ZDHHC6: variants seen among roughly 807,000 people sequenced by gnomAD.
ZDHHC6 encodes the protein zDHHC palmitoyltransferase 6.
A neutral mutation model predicts 57.8 loss-of-function variants in ZDHHC6; 32 were observed. The observed-to-expected ratio is 0.55, with a 90% CI of 0.42 to 0.74. The LOEUF (loss-of-function observed/expected upper bound fraction) is 0.74, where lower values mean the gene tolerates loss of function less well. Among genes scored for constraint, ZDHHC6 ranks in the 30% least tolerant of loss-of-function variants. The probability of loss-of-function intolerance (pLI) is 0.00; values close to 1 mark genes in which losing one functional copy is unlikely to be tolerated. For synonymous variants in ZDHHC6, 128 were observed against 158.0 expected (o/e 0.81, Z 1.42); for missense variants, 433 against 500.7 (o/e 0.86, Z 1.29).
At chr10:112,441,811 C>T (rs1176430639) in intron 4 of ZDHHC6, among the ~76,000 whole-genome samples, 1 of 152,198 alleles carries the variant, frequency 6.6e-6, no homozygotes, top group East Asian at 1.9e-4. Flanking sequence ...CCTTCCAGGG[C>T]ACTAGAATCA....
In ZDHHC6 at chr10:112,432,268, G is replaced by A. The variant is rs780772082; in HGVS notation, c.1110C>T (p.Asp370=). The stretch of plus-strand genomic sequence containing the variant: ...CTATAAAGGAATCATCAAGAATTTT[G>A]TCTCCATATAACCAGTATCTGAAAT... ...TRGLRYWLYG[D]KILDDSFIEG... is the part of the protein sequence containing the mutation. The change falls in exon 10 of 11, where the codon GAC becomes GAT. Residue 370 remains aspartate, a synonymous_variant. Transcript: ENST00000369405. The A allele has an allele frequency of 9.3e-6, 15 of 1,607,406 alleles. No homozygotes were observed. In the Admixed American group the frequency reaches 2.6e-4, roughly 28 times the overall value.
chr10:112,432,426 A>G lies in ZDHHC6; in HGVS notation c.1041T>C (p.Pro347=). 6.2e-7 allele frequency: 1 copy of G among 1,614,134 alleles called. No individual in the cohort carries two copies. The highest frequency in any genetic ancestry group is 1.3e-5 in the African/African-American group (1 of 75,036). ...TFFTSPCTEE[P]RIQLQKGEFI... Reference sequence around the variant, plus strand: ...ATTCCCCTTTTTGCAGCTGTATTCGAGGCTCTTCGGTGCAGGGACTTGTGA... The same window carrying G: ...ATTCCCCTTTTTGCAGCTGTATTCGGGGCTCTTCGGTGCAGGGACTTGTGA... Residue 347 remains proline, a synonymous_variant, in exon 9 of 11, where the codon CCT becomes CCC. Coordinates refer to ENST00000369405, the MANE Select transcript of ZDHHC6 (RefSeq NM_022494.3).
At chr10:112,440,766 G>C (rs1331680036) in intron 4 of ZDHHC6, 71 bp from the exon 5 acceptor site, 2 of 1,421,690 alleles carry the variant, frequency 1.4e-6, no homozygotes, top group South Asian at 1.8e-5. Flanking sequence ...ACTGTGACAC[G>C]TAAAACAACT....
intron 6 of ZDHHC6, among the ~76,000 whole-genome samples, chr10:112,436,254 T>C (rs571762234): frequency 8.5e-5 from 13 of 152,108 alleles, no homozygotes; most frequent in Non-Finnish European, 1.3e-4. Context: ...GCGGGTGGAT[T>C]ACTTGAGGTG....
intron 1 of ZDHHC6, among the ~76,000 whole-genome samples, chr10:112,446,277 G>A (rs774207280): frequency 3.9e-5 from 6 of 152,144 alleles, no homozygotes; most frequent in Admixed American, 6.5e-5. Context: ...AGGAAGGGAG[G>A]AGATAGAGCG....
At position 112,432,370 on chromosome 10, in the gene ZDHHC6, A is replaced by G; in HGVS notation, c.1091+6T>C. ...AAGAAGAAATGCAGTACTTCCTATTACTTACCGTAAACCTCTTGTGGCTAA... is the reference window on the plus strand; with the variant it reads ...AAGAAGAAATGCAGTACTTCCTATTGCTTACCGTAAACCTCTTGTGGCTAA... On this transcript the variant is annotated splice_donor_region_variant and intron_variant, in intron 9 of 10. Transcript: ENST00000369405. 1 of 1,613,980 alleles carries G rather than the reference A, an allele frequency of 6.2e-7. No individual in the cohort carries two copies. Among genetic ancestry groups the G allele is most frequent in the Non-Finnish European group, 8.5e-7 (1 of 1,179,980 alleles).
chr10:112,433,732 A>G (rs769736625), intron 7 of ZDHHC6, among the ~76,000 whole-genome samples: 7 of 152,338 alleles, frequency 4.6e-5, no homozygotes, highest in Non-Finnish European at 8.8e-5. Flanking sequence ...AAATAGCACT[A>G]TATTAGATAT....
chr10:112,439,330 A>T (rs1845847633), intron 5 of ZDHHC6, among the ~76,000 whole-genome samples: 1 of 152,130 alleles, frequency 6.6e-6, no homozygotes, highest in Admixed American at 6.5e-5. Flanking sequence ...TGAATGCAAT[A>T]AGTCATAAGA....
chr10:112,431,693 C>G (rs114280934), intron 10 of ZDHHC6, among the ~76,000 whole-genome samples: 5 of 151,532 alleles, frequency 3.3e-5, no homozygotes, highest in African/African-American at 1.2e-4. Flanking sequence ...AAGAACATCC[C>G]GAGCTAATCT....
downstream of ZDHHC6, chr10:112,425,720 A>G: frequency 2.7e-6 from 1 of 374,220 alleles, no homozygotes; most frequent in East Asian, 4.4e-5. Context: ...TGGCTATACT[A>G]AAAGGTAATG....
At chr10:112,440,386 G>T (rs370439472) in intron 5 of ZDHHC6, 148 bp downstream of exon 5, 8 of 842,104 alleles carry the variant, frequency 9.5e-6, no homozygotes, top group Non-Finnish European at 1.4e-5. Flanking sequence ...ATTATCTGAC[G>T]AATACAAAGG....
At chr10:112,429,969 G>T (rs1267996912), downstream of ZDHHC6, among the ~76,000 whole-genome samples, 1 of 151,456 alleles carries the variant, frequency 6.6e-6, no homozygotes, top group Non-Finnish European at 1.5e-5. Context: ...CAGTTGTTGG[G>T]GGGGGGGTGT....
At chr10:112,425,306 A>G (rs777007810), downstream of ZDHHC6, 10 of 1,581,050 alleles carry the variant, frequency 6.3e-6, no homozygotes, top group East Asian at 9.3e-5. Context: ...CTGTGGCTCA[A>G]AAATACTGAT....
chr10:112,439,632 A>T lies in ZDHHC6; in HGVS notation c.681+902T>A, dbSNP rs1479438915. Among the ~76,000 whole-genome samples the T allele has an allele frequency of 2.6e-3, 114 of 43,716 alleles. 1 individual carries two copies. The highest frequency in any genetic ancestry group is 6.9e-3 in the African/African-American group (113 of 16,322). The allele number at this position is 43,716 out of a possible 152,430, so 28.7% of individuals were successfully genotyped here. On this transcript the variant is annotated intron_variant, in intron 5 of 10. Coordinates refer to ENST00000369405, the MANE Select transcript of ZDHHC6 (RefSeq NM_022494.3). Reference sequence around the variant, plus strand: ...GTGACAGAGTGAGACTCCGTCTAAAAAAAAAAAAAAAAAAAAAAAAAAAAA... The same window carrying T: ...GTGACAGAGTGAGACTCCGTCTAAATAAAAAAAAAAAAAAAAAAAAAAAAA...
At chr10:112,429,841 C>T (rs933742262), downstream of ZDHHC6, among the ~76,000 whole-genome samples, 5 of 152,162 alleles carry the variant, frequency 3.3e-5, no homozygotes, top group African/African-American at 1.2e-4. Context: ...GCCTAGGCGG[C>T]AGGGCGCTGG....
At chr10:112,432,582 C>A (rs1016879688) in intron 8 of ZDHHC6, 61 bp from the exon 9 acceptor site, 9 of 1,555,448 alleles carry the variant, frequency 5.8e-6, no homozygotes, top group South Asian at 1.2e-5. Flanking sequence ...AGTTTTAAGT[C>A]TGAATTTCAA....
downstream of ZDHHC6, chr10:112,426,229 C>A: frequency 1.3e-6 from 2 of 1,577,296 alleles, no homozygotes; most frequent in Non-Finnish European, 1.7e-6. Flanking sequence ...TTCTCTCATG[C>A]CCTTGCACCT....
chr10:112,441,071 C>G (rs1475056173), intron 4 of ZDHHC6, among the ~76,000 whole-genome samples: 1 of 152,142 alleles, frequency 6.6e-6, no homozygotes, highest in African/African-American at 2.4e-5. Flanking sequence ...GTCTTGAACT[C>G]CTGACCTTGT....
chr10:112,443,266 C>T (rs1174869531), intron 3 of ZDHHC6, among the ~76,000 whole-genome samples: 1 of 152,110 alleles, frequency 6.6e-6, no homozygotes, highest in Non-Finnish European at 1.5e-5. Context: ...TCTTGTAGGA[C>T]AAGAGGCAAA....
Sources: gnomAD v4.1 joint callset for allele counts (sites outside exome capture counted in the v4.1 genomes callset) on GRCh38, gnomAD v4.1.1 for gene constraint, MANE v1.5 for transcripts, NCBI Gene and HGNC (gene_info 2026-07-23, HGNC 2026-07-21) for gene names.